The following ROBO2 variants were observed in gnomAD, a reference collection of about 807,000 sequenced individuals.
ROBO2 encodes roundabout homolog 2.
Under a neutral mutation model 160.8 loss-of-function variants are expected in ROBO2, and 53 were observed. The observed-to-expected ratio is 0.33, with a 90% confidence interval of 0.26 to 0.41. ROBO2 has a LOEUF of 0.41. Ranked by LOEUF, ROBO2 falls within the 10% of genes least tolerant of loss-of-function variation. ROBO2 has a pLI of 1.00. For missense variants in ROBO2, 1,577 were observed against 1,722.4 expected, an observed-to-expected ratio of 0.92 and a Z score of 1.49; for synonymous variants, 664 against 611.7, an observed-to-expected ratio of 1.09 and a Z score of -1.26.
At chr3:76,290,344 T>C (rs1436874429) in intron 2 of ROBO2, among the ~76,000 whole-genome samples, 2 of 151,994 alleles carry the variant, frequency 1.3e-5, no homozygotes, top group Admixed American at 1.3e-4. Context: ...GATTAGATAT[T>C]GGATGCTTTT....
At chr3:77,131,704 A>T (rs1408909492) in intron 2 of ROBO2, among the ~76,000 whole-genome samples, 3 of 152,162 alleles carry the variant, frequency 2.0e-5, no homozygotes, top group Non-Finnish European at 4.4e-5. Context: ...TATACCACAT[A>T]TGAAAGTGTC....
At chr3:76,629,286 T>C (rs1215424356) in intron 2 of ROBO2, among the ~76,000 whole-genome samples, 1 of 152,162 alleles carries the variant, frequency 6.6e-6, no homozygotes, top group East Asian at 1.9e-4. Context: ...TACAACTAAT[T>C]TTTTTTCCAA....
intron 2 of ROBO2, among the ~76,000 whole-genome samples, chr3:76,262,327 G>A (rs1198282417): frequency 1.3e-5 from 2 of 151,710 alleles, no homozygotes; most frequent in Admixed American, 1.3e-4. Flanking sequence ...TCATTTACTA[G>A]GTGATTTTAC....
At chr3:77,275,795 T>C (rs2059788799) in intron 2 of ROBO2, among the ~76,000 whole-genome samples, 1 of 152,174 alleles carries the variant, frequency 6.6e-6, no homozygotes, top group South Asian at 2.1e-4. Context: ...GTGTACAATA[T>C]GATACCAAAT....
At chr3:76,400,498 C>G (rs984597617) in intron 2 of ROBO2, among the ~76,000 whole-genome samples, 1 of 151,428 alleles carries the variant, frequency 6.6e-6, no homozygotes, top group African/African-American at 2.4e-5. Flanking sequence ...TTGGTTTGGA[C>G]ACTGAAATAC....
intron 2 of ROBO2, among the ~76,000 whole-genome samples, chr3:76,482,027 C>T (rs535716150): frequency 1.3e-5 from 2 of 152,148 alleles, no homozygotes; most frequent in East Asian, 3.9e-4. Flanking sequence ...GAATCCCCAA[C>T]CAGAGTTGGC....
At chr3:76,834,504 C>G (rs1045801756) in intron 2 of ROBO2, among the ~76,000 whole-genome samples, 1 of 151,974 alleles carries the variant, frequency 6.6e-6, no homozygotes, top group Non-Finnish European at 1.5e-5. Flanking sequence ...TTGCATGTAG[C>G]TGAGATTACA....
intron 2 of ROBO2, among the ~76,000 whole-genome samples, chr3:76,784,653 G>C (rs991684581): frequency 6.6e-6 from 1 of 151,174 alleles, no homozygotes; most frequent in Non-Finnish European, 1.5e-5. Flanking sequence ...GGCATTCCTT[G>C]ATAGGTTAGG....
chr3:76,657,103 GTCTT>G (rs944738201), intron 2 of ROBO2, among the ~76,000 whole-genome samples: 3 of 151,358 alleles, frequency 2.0e-5, no homozygotes, highest in Admixed American at 2.0e-4. Context: ...ACTTCTTTAT[GTCTT>G]TCTTTTTGAT....
chr3:76,084,951 A>G (rs1481369529), intron 2 of ROBO2, among the ~76,000 whole-genome samples: 3 of 152,102 alleles, frequency 2.0e-5, no homozygotes, highest in East Asian at 1.9e-4. Flanking sequence ...TTAGTACCCA[A>G]CTACATTACT....
intron 2 of ROBO2, among the ~76,000 whole-genome samples, chr3:76,494,873 A>C (rs1560042209): frequency 6.6e-6 from 1 of 152,194 alleles, no homozygotes; most frequent in East Asian, 1.9e-4. Context: ...GAGATATTAG[A>C]GATTCCAAGG....
chr3:76,585,164 G>A (rs909758455), intron 2 of ROBO2, among the ~76,000 whole-genome samples: 2 of 152,102 alleles, frequency 1.3e-5, no homozygotes, highest in African/African-American at 2.4e-5. Flanking sequence ...TTCTGTTCAT[G>A]GATTTAGGCA....
At position 76,834,969 on chromosome 3, in the gene ROBO2, A is replaced by C. The variant is rs557328433; in HGVS notation, c.110-263045A>C. On this transcript the variant is annotated intron_variant, in intron 2 of 26. Transcript: ENST00000487694. ...TTTGAACATCTGTTAGAAAAATTCA[A>C]CTAAGTCTATGCTTTCATGATGTTA... Among the ~76,000 whole-genome samples the C allele has an allele frequency of 1.5e-4, 23 of 152,256 alleles. 1 individual carries two copies. The highest frequency in any genetic ancestry group is 5.3e-4 in the African/African-American group (22 of 41,556).
chr3:76,664,439 C>CATTTAACA (rs2091945027), intron 2 of ROBO2, among the ~76,000 whole-genome samples: 1 of 152,076 alleles, frequency 6.6e-6, no homozygotes, highest in African/African-American at 2.4e-5. Context: ...AGGAAGTATA[C>CATTTAACA]CAAGATCACA....
intron 2 of ROBO2, among the ~76,000 whole-genome samples, chr3:77,456,849 C>G (rs1281095676): frequency 6.6e-6 from 1 of 152,154 alleles, no homozygotes; most frequent in Non-Finnish European, 1.5e-5. Flanking sequence ...CAGTTCCCAT[C>G]ATGGAACACA....
intron 2 of ROBO2, among the ~76,000 whole-genome samples, chr3:76,310,756 G>A (rs1198850357): frequency 2.0e-5 from 3 of 152,142 alleles, no homozygotes; most frequent in Non-Finnish European, 4.4e-5. Flanking sequence ...ACTGAAGCAG[G>A]CGTTATCCGT....
intron 3 of ROBO2, among the ~76,000 whole-genome samples, chr3:77,480,482 A>ACTAAT (rs2084556371): frequency 6.6e-6 from 1 of 152,172 alleles, no homozygotes; most frequent in African/African-American, 2.4e-5. Flanking sequence ...AATGGTTTAT[A>ACTAAT]CTAATACATA....
chr3:76,406,460 A>G (rs1576997218), intron 2 of ROBO2, among the ~76,000 whole-genome samples: 1 of 151,824 alleles, frequency 6.6e-6, no homozygotes, highest in Non-Finnish European at 1.5e-5. Flanking sequence ...TGATTATTTC[A>G]TATTCCATTT....
At chr3:77,063,596 A>G (rs2066536340) in intron 1 of ROBO2, among the ~76,000 whole-genome samples, 1 of 152,210 alleles carries the variant, frequency 6.6e-6, no homozygotes, top group African/African-American at 2.4e-5. Context: ...AGTAATTTAC[A>G]TATGTGCTTT....
Sources: allele counts gnomAD v4.1 joint callset (sites outside exome capture counted in the v4.1 genomes callset), GRCh38; gene constraint gnomAD v4.1.1; transcripts MANE v1.5; gene names NCBI Gene and HGNC (gene_info 2026-07-23, HGNC 2026-07-21).